SUN1: variants seen among roughly 807,000 people sequenced by gnomAD.
SUN1 encodes Sad1 and UNC84 domain containing 1.
SUN1 carries 61 observed loss-of-function variants against 103.2 expected under a neutral mutation model. The observed-to-expected ratio is 0.59, with a 90% CI of 0.48 to 0.73. The LOEUF is 0.73. Among genes scored for constraint, SUN1 ranks in the 30% least tolerant of loss-of-function variants. The pLI is 0.00. For missense variants in SUN1, 1,052 were observed against 1,034.6 expected, an observed-to-expected ratio of 1.02 and a Z score of -0.23; for synonymous variants, 490 against 425.7, an observed-to-expected ratio of 1.15 and a Z score of -1.86.
intron 5 of SUN1, 34 bp downstream of exon 5, chr7:843,554 T>C: frequency 1.9e-6 from 3 of 1,613,786 alleles, no homozygotes; most frequent in Non-Finnish European, 2.5e-6. Context: ...CAGAAAAAGG[T>C]GTGTTTTCCA....
In SUN1 at chr7:874,272, T is replaced by C. The variant is rs1431864676; in HGVS notation, c.*941T>C. 1 of 152,642 alleles carries C rather than the reference T, an allele frequency of 6.6e-6. No homozygotes were observed. Among genetic ancestry groups the C allele is most frequent in the East Asian group, 1.9e-4 (1 of 5,204 alleles). The allele number at this position is 152,642 out of a possible 1,614,324, so 9.5% of individuals were successfully genotyped here. A position where few individuals can be genotyped will look rare whatever the true frequency, so the allele number is the denominator to read the frequency against. On this transcript the variant is annotated 3_prime_UTR_variant, in exon 19 of 19. Transcript: ENST00000401592. ...TTTTTCCTTCAGCAGCATTTCTTACTGGCTGTGGCTGGAATCTGCCTTTTA... is the reference window on the plus strand; with the variant it reads ...TTTTTCCTTCAGCAGCATTTCTTACCGGCTGTGGCTGGAATCTGCCTTTTA...
intron 16 of SUN1, chr7:868,937 T>G (rs1839383046): frequency 5.9e-6 from 1 of 170,084 alleles, no homozygotes. Context: ...TTCCCTGTGG[T>G]GTTGGTCGGA....
intron 17 of SUN1, among the ~76,000 whole-genome samples, chr7:870,783 T>C (rs1401790246): frequency 6.6e-6 from 1 of 151,930 alleles, no homozygotes; most frequent in Admixed American, 6.6e-5. Context: ...TTAATTCCCG[T>C]GGACGAGACA....
intron 1 of SUN1, among the ~76,000 whole-genome samples, chr7:838,541 A>G (rs1471034739): frequency 1.3e-5 from 2 of 152,178 alleles, no homozygotes; most frequent in Non-Finnish European, 2.9e-5. Flanking sequence ...GGTGAGTTGT[A>G]GACGCTGGGC....
intron 1 of SUN1, among the ~76,000 whole-genome samples, chr7:837,474 A>T (rs190400853): frequency 4.0e-4 from 61 of 152,314 alleles, no homozygotes; most frequent in African/African-American, 1.4e-3. Context: ...AGTACATCTA[A>T]ATAACACATT....
intron 1 of SUN1, among the ~76,000 whole-genome samples, chr7:823,356 T>G (rs544991262): frequency 6.6e-6 from 1 of 152,298 alleles, no homozygotes; most frequent in African/African-American, 2.4e-5. Flanking sequence ...GGGGGCTTCC[T>G]GGTGGTGGTA....
intron 1 of SUN1, among the ~76,000 whole-genome samples, chr7:838,133 G>A (rs1805311781): frequency 6.6e-6 from 1 of 152,200 alleles, no homozygotes; most frequent in African/African-American, 2.4e-5. Context: ...GCTCACTGCA[G>A]CCTCAAACTC....
In SUN1 at chr7:843,443, G is replaced by T. The variant is rs369326753; in HGVS notation, c.581G>T (p.Arg194Leu). The T allele has an allele frequency of 1.2e-6, 2 of 1,614,160 alleles. No individual in the cohort carries two copies. Among genetic ancestry groups the T allele is most frequent in the Non-Finnish European group, 1.7e-6 (2 of 1,180,020 alleles). The change falls in exon 5 of 19, where the codon CGC (arginine) becomes CTC (leucine). Residue 194 changes from arginine to leucine, a missense_variant. This residue lies in a region of SUN1 where 846 missense variants were observed against 774.5 expected (regional missense o/e 1.09). Coordinates refer to ENST00000401592, the MANE Select transcript of SUN1 (RefSeq NM_001130965.3). ...AGCAACTGCAGCATGCTGTCCGAGC[G>T]CAAGGACGTGCTCACGGCGCACCCC... ...SCSNCSMLSE[R>L]KDVLTAHPAA...
At chr7:817,420 A>G (rs554451368) in intron 1 of SUN1, 8 of 1,535,878 alleles carry the variant, frequency 5.2e-6, no homozygotes, top group Non-Finnish European at 7.0e-6. Context: ...GGTGCAAAAT[A>G]AGCAGCGGCG....
At chr7:820,154 C>A (rs1327465393) in intron 1 of SUN1, among the ~76,000 whole-genome samples, 1 of 152,180 alleles carries the variant, frequency 6.6e-6, no homozygotes, top group African/African-American at 2.4e-5. Context: ...ATCTGTACAT[C>A]ACTGTGGGGG....
At chr7:865,312 G>C (rs1336928054) in intron 15 of SUN1, among the ~76,000 whole-genome samples, 1 of 150,132 alleles carries the variant, frequency 6.7e-6, no homozygotes, top group Non-Finnish European at 1.5e-5. Context: ...TTTGCTATGG[G>C]GTTGGCCAGG....
intron 1 of SUN1, among the ~76,000 whole-genome samples, chr7:826,406 G>A (rs563308669): frequency 7.3e-5 from 11 of 151,326 alleles, no homozygotes; most frequent in African/African-American, 9.7e-5. Context: ...GGTGTCTCTC[G>A]GGAAGGTCCC....
intron 1 of SUN1, chr7:817,251 C>A: frequency 1.5e-6 from 1 of 665,004 alleles, no homozygotes; most frequent in Non-Finnish European, 2.6e-6. Flanking sequence ...TGAGCCACCG[C>A]GCCCGGCTGA....
rs1843014915 is a variant in SUN1, at chr7:873,497, C to T, written c.*166C>T. The T allele has an allele frequency of 4.4e-6, 3 of 682,504 alleles. No homozygotes were observed. The highest frequency in any genetic ancestry group is 7.4e-6 in the Non-Finnish European group (3 of 406,140). The allele number at this position is 682,504 out of a possible 1,614,324, so 42.3% of individuals were successfully genotyped here. A position where few individuals can be genotyped will look rare whatever the true frequency, so the allele number is the denominator to read the frequency against. On this transcript the variant is annotated 3_prime_UTR_variant, in exon 19 of 19. Transcript: ENST00000401592. ...TGAGCGTGTGACGGGCGCCTTGGCGCCACCTGTTGGGTGCTCACTGCCTCT... is the reference window on the plus strand; with the variant it reads ...TGAGCGTGTGACGGGCGCCTTGGCGTCACCTGTTGGGTGCTCACTGCCTCT...
At chr7:853,818 G>A (rs1272595137) in intron 10 of SUN1, among the ~76,000 whole-genome samples, 200 bp downstream of exon 10, 4 of 152,248 alleles carry the variant, frequency 2.6e-5, no homozygotes, top group Non-Finnish European at 2.9e-5. Flanking sequence ...GGAGCTGTGG[G>A]TTCCATAGCG....
intron 1 of SUN1, among the ~76,000 whole-genome samples, chr7:837,131 C>A (rs2128252793): frequency 6.6e-6 from 1 of 152,340 alleles, no homozygotes; most frequent in Middle Eastern, 3.4e-3. Context: ...CCCCCTGGGG[C>A]AGCAGGACAG....
At chr7:842,663 C>A (rs564034609) in intron 3 of SUN1, 16 of 190,528 alleles carry the variant, frequency 8.4e-5, no homozygotes, top group Non-Finnish European at 1.2e-4. Flanking sequence ...AGCATGGGGT[C>A]CCAAGGCTGT....
intron 3 of SUN1, 62 bp downstream of exon 3, chr7:842,192 G>T: frequency 1.9e-6 from 3 of 1,559,692 alleles, no homozygotes; most frequent in Admixed American, 1.8e-5. Context: ...AGATTATGCT[G>T]GGGAGAGGGG....
intron 1 of SUN1, among the ~76,000 whole-genome samples, chr7:820,397 A>G (rs1187226120): frequency 6.6e-6 from 1 of 152,216 alleles, no homozygotes; most frequent in Non-Finnish European, 1.5e-5. Context: ...GTGTGTAGAA[A>G]TGCAACTGAC....
Sources: gnomAD v4.1 joint callset for allele counts (sites outside exome capture counted in the v4.1 genomes callset) on GRCh38, gnomAD v4.1.1 for gene constraint, gnomAD v4.1.1 regional missense constraint, MANE v1.5 for transcripts, NCBI Gene and HGNC (gene_info 2026-07-23, HGNC 2026-07-21) for gene names.